The following ALOX5 variants were observed in gnomAD, a reference collection of about 807,000 sequenced individuals.
ALOX5 encodes arachidonate 5-lipoxygenase.
A neutral mutation model predicts 87.9 loss-of-function variants in ALOX5; 64 were observed. The ratio of observed to expected loss-of-function variants is 0.73; its 90% CI spans 0.60 to 0.90. The LOEUF (loss-of-function observed/expected upper bound fraction) is 0.90, where lower values mean the gene tolerates loss of function less well. Ranked by LOEUF, ALOX5 falls within the 40% of genes least tolerant of loss-of-function variation. ALOX5 has a pLI of 0.00. For missense variants in ALOX5, 822 were observed against 907.5 expected (o/e 0.91, Z 1.21); for synonymous variants, 388 against 355.1 (o/e 1.09, Z -1.04).
chr10:45,438,637 G>A (rs1330869804), intron 7 of ALOX5, among the ~76,000 whole-genome samples: 2 of 152,180 alleles, frequency 1.3e-5, no homozygotes, highest in Non-Finnish European at 2.9e-5. Flanking sequence ...GGTATCAGTG[G>A]CCCAGGCATC....
intron 4 of ALOX5, among the ~76,000 whole-genome samples, chr10:45,414,134 A>G (rs1214595859): frequency 3.3e-5 from 5 of 152,252 alleles, no homozygotes; most frequent in African/African-American, 1.2e-4. Context: ...TGCCAAGACA[A>G]TCCTAAGCCA....
rs1391139448 is a variant in ALOX5, at chr10:45,425,969, C to T, written c.834+837C>T. 6.6e-6 allele frequency among the ~76,000 whole-genome samples: 1 copy of T among 152,172 alleles called. No individual in the cohort carries two copies. Among genetic ancestry groups the T allele is most frequent in the Non-Finnish European group, 1.5e-5 (1 of 68,026 alleles). On this transcript the variant is annotated intron_variant, in intron 6 of 13. Coordinates refer to ENST00000374391, the MANE Select transcript of ALOX5 (RefSeq NM_000698.5). This position sits in a 1 kb window ranked among gnomAD's most constrained non-coding sequence, Gnocchi z 4.4. Reference sequence around the variant, plus strand: ...CACCTGAATCTAGAGGGCCACCCACCCAGCTGAAGTCCCTGGGCAAGTCTC... The same window carrying T: ...CACCTGAATCTAGAGGGCCACCCACTCAGCTGAAGTCCCTGGGCAAGTCTC...
chr10:45,393,530 T>C (rs1840377468), intron 2 of ALOX5, among the ~76,000 whole-genome samples: 1 of 152,168 alleles, frequency 6.6e-6, no homozygotes, highest in African/African-American at 2.4e-5. Context: ...AGCATTCCCT[T>C]TGAAAACTGG....
intron 4 of ALOX5, among the ~76,000 whole-genome samples, chr10:45,421,466 G>A (rs145196618): frequency 0.013 from 2,050 of 152,360 alleles, 31 homozygotes; most frequent in African/African-American, 0.034. Context: ...CGGGGCCTGC[G>A]TAGGCCTCTC....
chr10:45,382,656 C>G lies in ALOX5; in HGVS notation c.324C>G (p.Val108=). 3 of 1,613,610 alleles carry G rather than the reference C, an allele frequency of 1.9e-6. No homozygotes were observed. The highest frequency in any genetic ancestry group is 2.5e-6 in the Non-Finnish European group (3 of 1,179,790). Residue 108 remains valine (V), a synonymous_variant, in exon 2 of 14, where the codon GTC becomes GTG. Coordinates refer to ENST00000374391, the MANE Select transcript of ALOX5 (RefSeq NM_000698.5). Reference sequence around the variant, plus strand: ...GCTACCGCTGGATCACCGGCGATGTCGAGGTTGTCCTGAGGGATGGACGCG... The same window carrying G: ...GCTACCGCTGGATCACCGGCGATGTGGAGGTTGTCCTGAGGGATGGACGCG... ...FPCYRWITGD[V]EVVLRDGRAK... is the part of the protein sequence containing the mutation.
intron 7 of ALOX5, among the ~76,000 whole-genome samples, chr10:45,436,935 C>T (rs1409168725): frequency 6.6e-6 from 1 of 152,146 alleles, no homozygotes. Flanking sequence ...GCTCTTTCAC[C>T]TCCTTGGCTG....
chr10:45,398,013 A>G (rs1453923330), intron 3 of ALOX5, among the ~76,000 whole-genome samples: 1 of 152,212 alleles, frequency 6.6e-6, no homozygotes, highest in Non-Finnish European at 1.5e-5. Context: ...TCATATGGAA[A>G]TGGAAGGGAC....
intron 7 of ALOX5, among the ~76,000 whole-genome samples, chr10:45,437,417 T>G (rs1842091940): frequency 2.0e-5 from 3 of 148,336 alleles, no homozygotes; most frequent in Admixed American, 6.8e-5. Flanking sequence ...AAGTCAAAAG[T>G]TTTTTTTTTG....
At chr10:45,431,339 A>G (rs1841895804) in intron 7 of ALOX5, among the ~76,000 whole-genome samples, 1 of 152,238 alleles carries the variant, frequency 6.6e-6, no homozygotes, top group South Asian at 2.1e-4. Flanking sequence ...CAATCAATAA[A>G]CATATTGTCA....
In ALOX5 at chr10:45,415,874, G is replaced by A. The variant is rs72796466; in HGVS notation, c.554+3561G>A. Among the ~76,000 whole-genome samples the A allele has an allele frequency of 2.2e-3, 334 of 152,308 alleles. 1 individual carries two copies. Among genetic ancestry groups the A allele is most frequent in the Middle Eastern group, 6.8e-3 (2 of 294 alleles). Reference sequence around the variant, plus strand: ...TCACCTTTTATCTGTAGCTATCTTCGTTTCTTGCATCACTCAGCTTTCAGC... The same window carrying A: ...TCACCTTTTATCTGTAGCTATCTTCATTTCTTGCATCACTCAGCTTTCAGC... On this transcript the variant is annotated intron_variant, in intron 4 of 13. Coordinates refer to ENST00000374391, the MANE Select transcript of ALOX5 (RefSeq NM_000698.5).
At position 45,441,259 on chromosome 10, in the gene ALOX5, G is replaced by A; in HGVS notation, c.1186-85G>A. 3 of 1,201,452 alleles carry A rather than the reference G, an allele frequency of 2.5e-6. No homozygotes were observed. In the South Asian group the frequency reaches 3.8e-5, roughly 15 times the overall value. The allele number at this position is 1,201,452 out of a possible 1,614,324, so 74.4% of individuals were successfully genotyped here. On this transcript the variant is annotated intron_variant, in intron 8 of 13. Transcript: ENST00000374391. ...CGCCCAGCATCATCCTATAGGGCAG[G>A]CCTGGGTGGGGGAGCTGCGGGTCCC...
intron 4 of ALOX5, among the ~76,000 whole-genome samples, chr10:45,416,962 G>A (rs934694846): frequency 6.6e-6 from 1 of 152,052 alleles, no homozygotes; most frequent in Non-Finnish European, 1.5e-5. Flanking sequence ...ATGGATGGAG[G>A]AATTAATGGT....
chr10:45,407,579 A>G (rs901421110), intron 3 of ALOX5, among the ~76,000 whole-genome samples: 1 of 152,192 alleles, frequency 6.6e-6, no homozygotes, highest in Admixed American at 6.5e-5. Flanking sequence ...TGAGAAGTAC[A>G]CAATTTTCAT....
At chr10:45,443,589 T>C in intron 11 of ALOX5, 52 bp downstream of exon 11, 2 of 1,599,026 alleles carry the variant, frequency 1.3e-6, no homozygotes, top group South Asian at 1.1e-5. Context: ...TCGGCAGCGC[T>C]GGCCCCTCCG....
At chr10:45,427,585 G>T (rs993576735) in intron 6 of ALOX5, among the ~76,000 whole-genome samples, 1 of 152,228 alleles carries the variant, frequency 6.6e-6, no homozygotes, top group African/African-American at 2.4e-5. Context: ...CGGTGGAGCT[G>T]CAGGGGGGCG....
chr10:45,399,664 A>T (rs1840629755), intron 3 of ALOX5, among the ~76,000 whole-genome samples: 1 of 152,184 alleles, frequency 6.6e-6, no homozygotes, highest in African/African-American at 2.4e-5. Flanking sequence ...AATGTAAAAG[A>T]TCTATGCTTC....
intron 4 of ALOX5, among the ~76,000 whole-genome samples, chr10:45,423,247 A>G (rs1390436111): frequency 6.6e-6 from 1 of 152,250 alleles, no homozygotes; most frequent in Non-Finnish European, 1.5e-5. Context: ...AAGAGTGGGC[A>G]GTGATTGAGC....
At chr10:45,375,048 A>G (rs1339567031) in intron 1 of ALOX5, among the ~76,000 whole-genome samples, 2 of 152,158 alleles carry the variant, frequency 1.3e-5, no homozygotes, top group East Asian at 3.9e-4. Context: ...TCCATGAGTC[A>G]TGGGTGAGCC....
intron 2 of ALOX5, among the ~76,000 whole-genome samples, chr10:45,391,911 C>T (rs1237854609): frequency 9.0e-6 from 1 of 111,708 alleles, no homozygotes; most frequent in Non-Finnish European, 2.1e-5. Context: ...AGTGAGGAGC[C>T]CCTCCGCCCG....
Sources: allele counts gnomAD v4.1 joint callset (sites outside exome capture counted in the v4.1 genomes callset), GRCh38; gene constraint gnomAD v4.1.1; non-coding constraint Gnocchi (gnomAD v3.1); transcripts MANE v1.5; gene names NCBI Gene and HGNC (gene_info 2026-07-23, HGNC 2026-07-21).